Variants in PPP2R2D observed in about 807,000 individuals in gnomAD.
PPP2R2D encodes the protein serine/threonine-protein phosphatase 2A 55 kDa regulatory subunit B delta isoform.
Under a neutral mutation model 31.1 loss-of-function variants are expected in PPP2R2D, and 9 were observed. That is an observed-to-expected ratio of 0.29 (90% CI 0.17 to 0.51). The LOEUF is 0.51. PPP2R2D is among the 20% of genes least tolerant of loss of function. The pLI, the probability that PPP2R2D is intolerant of heterozygous loss-of-function variation, is 0.98. For synonymous variants in PPP2R2D, 179 were observed against 172.6 expected (o/e 1.04, Z -0.29); for missense variants, 391 against 465.6 (o/e 0.84, Z 1.48).
rs565667942 is a variant in PPP2R2D at position 131,945,128 on chromosome 10, C to G, written c.656-167C>G. ...GTCTGAGTGTGCTCATCCCAATCCCCTTACCAGGCGCTCCTTTGGAATTCG... is the reference window on the plus strand; with the variant it reads ...GTCTGAGTGTGCTCATCCCAATCCCGTTACCAGGCGCTCCTTTGGAATTCG... On this transcript the variant is annotated intron_variant, in intron 6 of 8. Coordinates refer to ENST00000455566, the MANE Select transcript of PPP2R2D (RefSeq NM_018461.5). This position sits in a 1 kb window ranked among gnomAD's most constrained non-coding sequence, Gnocchi z 4.8. Among the ~76,000 whole-genome samples the G allele has an allele frequency of 5.3e-5, 8 of 152,204 alleles. No individual in the cohort carries two copies. The highest frequency in any genetic ancestry group is 8.8e-5 in the Non-Finnish European group (6 of 68,034).
intron 2 of PPP2R2D, among the ~76,000 whole-genome samples, chr10:131,923,361 G>A (rs1171505221): frequency 6.6e-6 from 1 of 152,184 alleles, no homozygotes; most frequent in Non-Finnish European, 1.5e-5. Context: ...TTATCCGTTA[G>A]TTGATGGGTT....
At chr10:131,965,324 T>A in the PPP2R2D span, among the ~76,000 whole-genome samples, 1 of 152,164 alleles carries the variant, frequency 6.6e-6, no homozygotes, top group African/African-American at 2.4e-5. Context: ...GCCGGTTTCT[T>A]AAGGCTGGGT....
intron 3 of PPP2R2D, among the ~76,000 whole-genome samples, chr10:131,938,099 G>A (rs1403986000): frequency 1.3e-5 from 2 of 151,326 alleles, no homozygotes; most frequent in African/African-American, 4.9e-5. Context: ...CGGGGCAGGC[G>A]AGGCGCTCAG....
At chr10:131,937,256 T>C (rs1393646720) in intron 3 of PPP2R2D, among the ~76,000 whole-genome samples, 2 of 152,152 alleles carry the variant, frequency 1.3e-5, no homozygotes, top group African/African-American at 4.8e-5. Context: ...TTTCAAGCTT[T>C]TCTTACTTTT....
rs930566932 is a variant in PPP2R2D at position 131,956,388 on chromosome 10, G to A, written c.*425G>A. The A allele has an allele frequency of 1.5e-5, 15 of 986,226 alleles. No individual in the cohort carries two copies. Among genetic ancestry groups the A allele is most frequent in the African/African-American group, 3.5e-5 (2 of 57,268 alleles). 61.1% of individuals were successfully genotyped at this position (986,226 alleles called of 1,614,324 possible). A position where few individuals can be genotyped will look rare whatever the true frequency, so the allele number is the denominator to read the frequency against. ...CTGCAGCGTGGTGTGGCCACCGTCCGTGTCCTCTCGGCCTTCCTCCGAGTC... is the reference window on the plus strand; with the variant it reads ...CTGCAGCGTGGTGTGGCCACCGTCCATGTCCTCTCGGCCTTCCTCCGAGTC... On this transcript the variant is annotated 3_prime_UTR_variant, in exon 9 of 9. Coordinates refer to ENST00000455566, the MANE Select transcript of PPP2R2D (RefSeq NM_018461.5).
At chr10:131,903,640 T>C (rs1055553010) in intron 2 of PPP2R2D, among the ~76,000 whole-genome samples, 9 of 152,344 alleles carry the variant, frequency 5.9e-5, no homozygotes, top group Non-Finnish European at 1.3e-4. Context: ...GTGGTAATTA[T>C]CTGCATGTGT....
the PPP2R2D span, chr10:131,970,407 G>A: frequency 1.7e-6 from 1 of 597,954 alleles, no homozygotes; most frequent in Non-Finnish European, 2.9e-6. The surrounding 1 kb of genome is among the most constrained non-coding windows in gnomAD (Gnocchi z 4.1). Flanking sequence ...TGAGCAACAG[G>A]CAGACTCGTC....
At chr10:131,932,113 C>T (rs142728198) in intron 2 of PPP2R2D, among the ~76,000 whole-genome samples, 1,627 of 152,264 alleles carry the variant, frequency 0.011, 18 homozygotes, top group Non-Finnish European at 0.018. Flanking sequence ...GGCGGGAGGT[C>T]TGAGAGGACT....
At chr10:131,928,247 C>T (rs1196428490) in intron 2 of PPP2R2D, among the ~76,000 whole-genome samples, 2 of 152,302 alleles carry the variant, frequency 1.3e-5, no homozygotes, top group South Asian at 2.1e-4. Flanking sequence ...ATAACCACCT[C>T]CTGGGCTGCT....
rs79509440 is a variant in PPP2R2D, at chr10:131,939,948, C to T, written c.199-83C>T. 8.1e-3 allele frequency: 3,567 copies of T among 439,972 alleles called. 112 individuals are homozygous for T. The highest frequency in any genetic ancestry group is 0.068 in the African/African-American group (3,280 of 48,490). The allele number at this position is 439,972 out of a possible 1,614,324, so 27.3% of individuals were successfully genotyped here. Reference sequence around the variant, plus strand: ...TTTAGCTTTAAAAAATATGTATGGTCATTTGATATTCAAATTTATAGTACT... The same window carrying T: ...TTTAGCTTTAAAAAATATGTATGGTTATTTGATATTCAAATTTATAGTACT... On this transcript the variant is annotated intron_variant, in intron 3 of 8. Coordinates refer to ENST00000455566, the MANE Select transcript of PPP2R2D (RefSeq NM_018461.5).
At chr10:131,921,167 C>T (rs7904594) in intron 2 of PPP2R2D, among the ~76,000 whole-genome samples, 42,739 of 152,064 alleles carry the variant, frequency 0.28, 6,140 homozygotes, top group East Asian at 0.45. Context: ...TTGTCACTGC[C>T]TTCTTGCTAG....
chr10:131,937,084 G>A (rs571346580), intron 3 of PPP2R2D, among the ~76,000 whole-genome samples: 5 of 152,320 alleles, frequency 3.3e-5, no homozygotes, highest in Admixed American at 6.5e-5. Context: ...CCACGTGTGC[G>A]TCTTAGAATC....
chr10:131,930,859 C>A (rs2036208758), intron 2 of PPP2R2D, among the ~76,000 whole-genome samples: 1 of 152,214 alleles, frequency 6.6e-6, no homozygotes, highest in Non-Finnish European at 1.5e-5. Flanking sequence ...GAAACTGATC[C>A]TCTGATTGTC....
At chr10:131,929,370 G>A (rs909924792) in intron 2 of PPP2R2D, among the ~76,000 whole-genome samples, 2 of 152,214 alleles carry the variant, frequency 1.3e-5, no homozygotes, top group South Asian at 2.1e-4. Context: ...GTGTGAAGAC[G>A]GGCTTTGTGT....
At chr10:131,970,138 C>T in the PPP2R2D span, 2 of 160,360 alleles carry the variant, frequency 1.2e-5, no homozygotes, top group African/African-American at 4.8e-5. This position sits in a 1 kb window ranked among gnomAD's most constrained non-coding sequence, Gnocchi z 4.1. Flanking sequence ...GAGATCACGC[C>T]CCTGCACTCA....
Position 131,947,019 on chromosome 10 carries a change from G to A in PPP2R2D, c.821-511G>A, listed in dbSNP as rs568754946. Among the ~76,000 whole-genome samples, 3 of 152,180 alleles carry A rather than the reference G, an allele frequency of 2.0e-5. No homozygotes were observed. The highest frequency in any genetic ancestry group is 4.8e-5 in the African/African-American group (2 of 41,546). On this transcript the variant is annotated intron_variant, in intron 7 of 8. Coordinates refer to ENST00000455566, the MANE Select transcript of PPP2R2D (RefSeq NM_018461.5). This position sits in a 1 kb window ranked among gnomAD's most constrained non-coding sequence, Gnocchi z 4.3. The stretch of plus-strand genomic sequence containing the variant: ...CACTCCTGCAGACCCACAAACTGTC[G>A]ACCCTCCAAAAAGCAGGCAGTTTCT...
At chr10:131,936,345 A>T (rs1393278407) in intron 3 of PPP2R2D, among the ~76,000 whole-genome samples, 1 of 151,636 alleles carries the variant, frequency 6.6e-6, no homozygotes, top group African/African-American at 2.4e-5. Context: ...ATGGGGTTTC[A>T]CCGTTGGCCA....
intron 5 of PPP2R2D, among the ~76,000 whole-genome samples, chr10:131,942,929 C>G (rs927819414): frequency 1.3e-5 from 2 of 152,150 alleles, no homozygotes; most frequent in Non-Finnish European, 2.9e-5. Flanking sequence ...GGAAGCCTCC[C>G]TACACACACT....
At chr10:131,944,476 A>G (rs903731247) in intron 6 of PPP2R2D, among the ~76,000 whole-genome samples, 1 of 152,176 alleles carries the variant, frequency 6.6e-6, no homozygotes, top group Non-Finnish European at 1.5e-5. Flanking sequence ...CTAATGAATA[A>G]TAGAAAATAC....
Sources: gnomAD v4.1 joint callset for allele counts (sites outside exome capture counted in the v4.1 genomes callset) on GRCh38, gnomAD v4.1.1 for gene constraint, Gnocchi (gnomAD v3.1) non-coding constraint, MANE v1.5 for transcripts, NCBI Gene and HGNC (gene_info 2026-07-23, HGNC 2026-07-21) for gene names.